The following NDRG1 variants were observed in gnomAD, a reference collection of about 807,000 sequenced individuals.
The protein encoded by NDRG1 is N-myc downstream regulated 1.
A neutral mutation model predicts 56.9 loss-of-function variants in NDRG1; 32 were observed. The ratio of observed to expected loss-of-function variants is 0.56; its 90% CI spans 0.42 to 0.76. NDRG1 has a LOEUF of 0.76. Among genes scored for constraint, NDRG1 ranks in the 30% least tolerant of loss-of-function variants. NDRG1 has a pLI of 0.00. For synonymous variants in NDRG1, 211 were observed against 204.1 expected (o/e 1.03, Z -0.29); for missense variants, 507 against 545.7 (o/e 0.93, Z 0.71).
intron 3 of NDRG1, among the ~76,000 whole-genome samples, chr8:133,277,041 A>T (rs1487254986): frequency 6.6e-6 from 1 of 152,226 alleles, no homozygotes; most frequent in African/African-American, 2.4e-5. Context: ...ACAGGGATGA[A>T]CCCTGAGGAC....
intron 3 of NDRG1, among the ~76,000 whole-genome samples, chr8:133,279,150 A>G (rs1281737520): frequency 1.3e-5 from 2 of 152,154 alleles, no homozygotes; most frequent in African/African-American, 2.4e-5. Context: ...TCGGCCTTCC[A>G]AAGTGCTAGG....
chr8:133,251,598 AT>A (rs1856050186), intron 9 of NDRG1, among the ~76,000 whole-genome samples: 2 of 152,302 alleles, frequency 1.3e-5, no homozygotes, highest in South Asian at 4.1e-4. Context: ...GTGGCTGTGA[AT>A]TTTTCCCAAT....
intron 13 of NDRG1, 95 bp from the exon 14 acceptor site, chr8:133,244,485 G>C (rs1487698775): frequency 1.4e-5 from 20 of 1,384,372 alleles, no homozygotes; most frequent in Non-Finnish European, 1.9e-5. Flanking sequence ...TCCGCCCGCT[G>C]CCCTGCCCTG....
At chr8:133,262,342 T>C in intron 4 of NDRG1, 175 bp from the exon 5 acceptor site, 1 of 707,810 alleles carries the variant, frequency 1.4e-6, no homozygotes, top group Non-Finnish European at 2.3e-6. Context: ...CATGCCCACT[T>C]TCCTCTGCTG....
At chr8:133,286,603 G>C (rs1348310882) in intron 1 of NDRG1, among the ~76,000 whole-genome samples, 1 of 152,186 alleles carries the variant, frequency 6.6e-6, no homozygotes, top group African/African-American at 2.4e-5. Flanking sequence ...ATCTGCTTTT[G>C]GGAGCTGGTG....
At chr8:133,252,356 A>C (rs1169097977) in intron 9 of NDRG1, among the ~76,000 whole-genome samples, 1 of 152,118 alleles carries the variant, frequency 6.6e-6, no homozygotes, top group African/African-American at 2.4e-5. Flanking sequence ...AAGCCTCCCA[A>C]AGTGCTGGGA....
At chr8:133,275,652 G>GA (rs1857417166) in intron 3 of NDRG1, among the ~76,000 whole-genome samples, 1 of 152,186 alleles carries the variant, frequency 6.6e-6, no homozygotes, top group South Asian at 2.1e-4. Flanking sequence ...AGCACCTACA[G>GA]AAGCTGGAAT....
intron 11 of NDRG1, among the ~76,000 whole-genome samples, chr8:133,248,336 G>C (rs1305011068): frequency 1.3e-5 from 2 of 152,180 alleles, no homozygotes; most frequent in African/African-American, 4.8e-5. Flanking sequence ...AGTTAGTTCT[G>C]TCCATGACTG....
chr8:133,275,905 G>T (rs960822519), intron 3 of NDRG1, among the ~76,000 whole-genome samples: 2 of 152,198 alleles, frequency 1.3e-5, no homozygotes, highest in Non-Finnish European at 2.9e-5. Flanking sequence ...GCTCGGCAGT[G>T]CTGAGCTATT....
chr8:133,254,722 G>A (rs2272649), intron 8 of NDRG1, 127 bp from the exon 9 acceptor site: 3 of 916,086 alleles, frequency 3.3e-6, no homozygotes, highest in East Asian at 5.3e-5. Context: ...AGGCCTCAAG[G>A]ACATCCCCCT....
chr8:133,289,738 GA>G (rs1452572725), intron 1 of NDRG1, among the ~76,000 whole-genome samples: 5 of 152,184 alleles, frequency 3.3e-5, no homozygotes, highest in African/African-American at 1.2e-4. Context: ...CACCACTTGA[GA>G]ACTGTTCAAC....
chr8:133,295,659 C>T (rs577743814), intron 1 of NDRG1, among the ~76,000 whole-genome samples: 1 of 152,348 alleles, frequency 6.6e-6, no homozygotes, highest in African/African-American at 2.4e-5. Context: ...AGAGTCTAGA[C>T]TGAAAAATTC....
chr8:133,238,853 CGG>C lies in NDRG1; in HGVS notation c.*23_*24del. 1.3e-6 allele frequency: 2 copies of C among 1,544,750 alleles called. No homozygotes were observed. Among genetic ancestry groups the C allele is most frequent in the Non-Finnish European group, 1.7e-6 (2 of 1,147,658 alleles). Reference sequence around the variant, plus strand: ...GGGGGCCACTACAGAGATCAGAGTCCGGGGGCGGCAGCTGGGCAGGCCGCCTA... The same window carrying C: ...GGGGGCCACTACAGAGATCAGAGTCCGGGCGGCAGCTGGGCAGGCCGCCTA... On this transcript the variant is annotated 3_prime_UTR_variant, in exon 16 of 16. Transcript: ENST00000323851.
At chr8:133,291,919 G>A (rs1023296491) in intron 1 of NDRG1, among the ~76,000 whole-genome samples, 6 of 152,188 alleles carry the variant, frequency 3.9e-5, no homozygotes, top group African/African-American at 1.4e-4. Context: ...ACAGCACCAG[G>A]GAGGTCAGCA....
chr8:133,258,310 C>T lies in NDRG1; in HGVS notation c.450+56G>A, dbSNP rs1047250089. On this transcript the variant is annotated intron_variant, in intron 7 of 15. Transcript: ENST00000323851. Reference sequence around the variant, plus strand: ...TTTTTGATGCTTTTCCAATGTCTTCCTTCATCTTAAAATGTTATTTAAAAT... The same window carrying T: ...TTTTTGATGCTTTTCCAATGTCTTCTTTCATCTTAAAATGTTATTTAAAAT... 1.0e-5 allele frequency: 16 copies of T among 1,540,060 alleles called. No individual in the cohort carries two copies. The Admixed American group carries it at 2.1e-4, about 20-fold the overall frequency.
At chr8:133,279,530 A>G (rs1483203153) in intron 3 of NDRG1, among the ~76,000 whole-genome samples, 1 of 152,156 alleles carries the variant, frequency 6.6e-6, no homozygotes, top group Non-Finnish European at 1.5e-5. Context: ...AGGTGAGAAC[A>G]CCTCAGCCAC....
chr8:133,292,679 G>A (rs573242435), intron 1 of NDRG1, among the ~76,000 whole-genome samples: 10 of 152,320 alleles, frequency 6.6e-5, no homozygotes, highest in South Asian at 2.1e-4. Context: ...CTTAGGTTCC[G>A]TGGGGGTGGG....
intron 12 of NDRG1, among the ~76,000 whole-genome samples, chr8:133,247,540 T>C (rs928494416): frequency 6.6e-6 from 1 of 152,204 alleles, no homozygotes; most frequent in African/African-American, 2.4e-5. Flanking sequence ...ACCAGTCAGT[T>C]TGGAAAGATC....
chr8:133,248,743 T>C lies in NDRG1; in HGVS notation c.727A>G (p.Met243Val), dbSNP rs767505621. 4.4e-5 allele frequency: 71 copies of C among 1,614,198 alleles called. No individual in the cohort carries two copies. The highest frequency in any genetic ancestry group is 5.8e-5 in the Non-Finnish European group (68 of 1,180,034). The change falls in exon 11 of 16, where the codon ATG (methionine) becomes GTG (valine). Residue 243 changes from methionine (M) to valine (V), a missense_variant. Physicochemically the swap from Met to Val is conservative, Grantham distance 21. Transcript: ENST00000323851. ...AGGGTGACTGTGTGGGTTCCCGGCA[T>C]TGGTCGCTCAATCTCCAGGTCGCGC... ...SRRDLEIERP[M>V]PGTHTVTLQC...
Sources: allele counts gnomAD v4.1 joint callset (sites outside exome capture counted in the v4.1 genomes callset), GRCh38; gene constraint gnomAD v4.1.1; transcripts MANE v1.5; gene names NCBI Gene and HGNC (gene_info 2026-07-23, HGNC 2026-07-21).